The following KPNA1 variants were observed in gnomAD, a reference collection of about 807,000 sequenced individuals.
The protein encoded by KPNA1 is importin subunit alpha-5.
KPNA1 carries 10 observed loss-of-function variants against 70.5 expected under a neutral mutation model. The ratio of observed to expected loss-of-function variants is 0.14; its 90% CI spans 0.09 to 0.24. The LOEUF is 0.24. KPNA1 is among the 10% of genes least tolerant of loss of function. The pLI is 1.00. For missense variants in KPNA1, 397 were observed against 637.9 expected, an observed-to-expected ratio of 0.62 and a Z score of 4.07; for synonymous variants, 192 against 221.9, an observed-to-expected ratio of 0.87 and a Z score of 1.20.
intron 2 of KPNA1, among the ~76,000 whole-genome samples, chr3:122,480,523 T>C (rs998787404): frequency 6.6e-6 from 1 of 152,038 alleles, no homozygotes; most frequent in African/African-American, 2.4e-5. Context: ...GAATTCATCA[T>C]AACAGACCAG....
intron 1 of KPNA1, among the ~76,000 whole-genome samples, chr3:122,505,926 C>G (rs1015910485): frequency 3.9e-5 from 6 of 152,198 alleles, no homozygotes; most frequent in Non-Finnish European, 7.3e-5. Flanking sequence ...CTACACAGCC[C>G]TCAGATTAAT....
At chr3:122,459,385 C>G in intron 5 of KPNA1, 9 of 981,902 alleles carry the variant, frequency 9.2e-6, no homozygotes, top group Non-Finnish European at 1.1e-5. Context: ...ACTCTCATTC[C>G]CAGAGACAGG....
chr3:122,485,297 C>T (rs2076616907), intron 2 of KPNA1, among the ~76,000 whole-genome samples: 1 of 152,132 alleles, frequency 6.6e-6, no homozygotes, highest in Non-Finnish European at 1.5e-5. Context: ...TACCAGCCAG[C>T]ATGGTATTTA....
intron 13 of KPNA1, 46 bp downstream of exon 13, chr3:122,427,492 C>A: frequency 6.4e-7 from 1 of 1,559,636 alleles, no homozygotes. Flanking sequence ...CTATCTATGA[C>A]CCAATTCATT....
chr3:122,466,230 G>A lies in KPNA1; in HGVS notation c.237+1092C>T, dbSNP rs183832026. On this transcript the variant is annotated intron_variant, in intron 3 of 13. Coordinates refer to ENST00000344337, the MANE Select transcript of KPNA1 (RefSeq NM_002264.4). ...TAAAAACTACAAAATACTATGAATA[G>A]TATGCCACCATTTACCAAAAAAAAA... Among the ~76,000 whole-genome samples the A allele has an allele frequency of 3.3e-4, 49 of 148,844 alleles. No homozygotes were observed. In the East Asian group the frequency reaches 7.7e-3, roughly 23 times the overall value.
chr3:122,513,742 A>G (rs917918127), intron 1 of KPNA1, among the ~76,000 whole-genome samples: 1 of 152,154 alleles, frequency 6.6e-6, no homozygotes, highest in African/African-American at 2.4e-5. Flanking sequence ...ATTCAAGTTA[A>G]TATTACTTGA....
At chr3:122,427,942 T>G (rs2075844771) in intron 12 of KPNA1, among the ~76,000 whole-genome samples, 1 of 152,202 alleles carries the variant, frequency 6.6e-6, no homozygotes, top group African/African-American at 2.4e-5. Context: ...CATTCTTTTC[T>G]CTTCACAATT....
At chr3:122,429,250 A>C (rs2075864974) in intron 12 of KPNA1, among the ~76,000 whole-genome samples, 1 of 152,126 alleles carries the variant, frequency 6.6e-6, no homozygotes, top group South Asian at 2.1e-4. Flanking sequence ...CAGGAGTTCA[A>C]GACTAGCCTG....
intron 6 of KPNA1, among the ~76,000 whole-genome samples, chr3:122,452,859 AAG>A (rs534353233): frequency 5.5e-4 from 83 of 152,122 alleles, no homozygotes; most frequent in African/African-American, 7.5e-4. Context: ...AAGAGACAGA[AAG>A]AGAGTATTTT....
At chr3:122,495,571 C>G (rs2076749736) in intron 2 of KPNA1, among the ~76,000 whole-genome samples, 1 of 151,902 alleles carries the variant, frequency 6.6e-6, no homozygotes, top group Non-Finnish European at 1.5e-5. Context: ...CGCAGTGTTT[C>G]ATAAAATGTG....
intron 11 of KPNA1, among the ~76,000 whole-genome samples, chr3:122,436,161 G>A (rs906782776): frequency 1.3e-5 from 2 of 152,094 alleles, no homozygotes; most frequent in Non-Finnish European, 1.5e-5. Flanking sequence ...AATAAACCCC[G>A]GTCTCCCTTA....
intron 2 of KPNA1, among the ~76,000 whole-genome samples, chr3:122,489,958 G>A (rs1189208246): frequency 6.6e-6 from 1 of 152,202 alleles, no homozygotes; most frequent in East Asian, 1.9e-4. Context: ...AGGCTCTCCT[G>A]AATACTCTAC....
intron 2 of KPNA1, among the ~76,000 whole-genome samples, chr3:122,474,734 A>G (rs758304894): frequency 1.3e-5 from 2 of 152,200 alleles, no homozygotes; most frequent in Non-Finnish European, 2.9e-5. Context: ...AATGTGAATC[A>G]CATTAACAGA....
chr3:122,509,544 T>C (rs557046645), intron 1 of KPNA1, among the ~76,000 whole-genome samples: 5 of 152,138 alleles, frequency 3.3e-5, no homozygotes, highest in African/African-American at 4.8e-5. Context: ...CAACTATACA[T>C]ACTTACAACA....
intron 1 of KPNA1, among the ~76,000 whole-genome samples, chr3:122,501,250 T>A (rs1170099532): frequency 6.6e-6 from 1 of 151,982 alleles, no homozygotes; most frequent in Non-Finnish European, 1.5e-5. Flanking sequence ...GCTGGTCAAC[T>A]CCTGACCTCA....
At chr3:122,486,790 T>TAGAGTCGGG (rs2076635049) in intron 2 of KPNA1, among the ~76,000 whole-genome samples, 1 of 152,094 alleles carries the variant, frequency 6.6e-6, no homozygotes. Flanking sequence ...GTTTCACCAA[T>TAGAGTCGGG]GTTAGCCAGG....
chr3:122,458,440 G>A (rs2076287774), intron 5 of KPNA1, among the ~76,000 whole-genome samples: 1 of 152,140 alleles, frequency 6.6e-6, no homozygotes, highest in Admixed American at 6.5e-5. Flanking sequence ...TATCTCCCTG[G>A]TTTGAGGTAC....
At chr3:122,460,271 G>A in intron 5 of KPNA1, 2 of 984,456 alleles carry the variant, frequency 2.0e-6, no homozygotes, top group Non-Finnish European at 2.4e-6. Context: ...TTTATCCAGG[G>A]GGAAAAAAAA....
intron 9 of KPNA1, among the ~76,000 whole-genome samples, chr3:122,446,328 G>A (rs1333322862): frequency 6.6e-6 from 1 of 152,212 alleles, no homozygotes; most frequent in African/African-American, 2.4e-5. Flanking sequence ...CTGTCTTTCA[G>A]ACCAGAGTGC....
Sources: gnomAD v4.1 joint callset for allele counts (sites outside exome capture counted in the v4.1 genomes callset) on GRCh38, gnomAD v4.1.1 for gene constraint, MANE v1.5 for transcripts, NCBI Gene and HGNC (gene_info 2026-07-23, HGNC 2026-07-21) for gene names.